Variants in WWOX observed in about 807,000 individuals in gnomAD.
WWOX encodes WW domain containing oxidoreductase.
In WWOX, 69 loss-of-function variants were observed where a neutral mutation model predicts 46.2. The observed-to-expected ratio is 1.49, with a 90% CI of 1.23 to 1.82. The LOEUF (loss-of-function observed/expected upper bound fraction) is 1.82, where lower values mean the gene tolerates loss of function less well. Among genes scored for constraint, WWOX ranks in the 40% most tolerant of loss-of-function variants. WWOX has a pLI of 0.00. For missense variants in WWOX, 919 were observed against 542.6 expected (o/e 1.69, Z -6.89); for synonymous variants, 359 against 202.6 (o/e 1.77, Z -6.56).
At chr16:78,658,819 C>T (rs545579998) in intron 8 of WWOX, among the ~76,000 whole-genome samples, 11 of 151,730 alleles carry the variant, frequency 7.2e-5, no homozygotes, top group South Asian at 2.1e-4. Context: ...GGGCTGGGCA[C>T]GGTGGCTCAT....
intron 8 of WWOX, among the ~76,000 whole-genome samples, chr16:78,459,571 T>C (rs137878103): frequency 6.6e-6 from 1 of 152,338 alleles, no homozygotes; most frequent in Non-Finnish European, 1.5e-5. Flanking sequence ...ATGGCTTAAT[T>C]GTAAGCGATC....
chr16:78,766,761 T>G (rs1178059166), intron 8 of WWOX, among the ~76,000 whole-genome samples: 2 of 152,238 alleles, frequency 1.3e-5, no homozygotes, highest in Non-Finnish European at 2.9e-5. Flanking sequence ...ATGTTCAGGT[T>G]TTGTGACCTT....
intron 8 of WWOX, among the ~76,000 whole-genome samples, chr16:78,657,831 T>C (rs2047116372): frequency 6.6e-6 from 1 of 152,182 alleles, no homozygotes; most frequent in East Asian, 1.9e-4. Context: ...GTGTGTGTGT[T>C]ATTTTGTTTT....
intron 8 of WWOX, among the ~76,000 whole-genome samples, chr16:78,841,253 C>T (rs1055671381): frequency 6.6e-6 from 1 of 152,120 alleles, no homozygotes; most frequent in Non-Finnish European, 1.5e-5. Context: ...GTCTCAATAC[C>T]ATCTTGAAAC....
intron 8 of WWOX, among the ~76,000 whole-genome samples, chr16:79,139,133 A>T (rs1341722252): frequency 1.3e-5 from 2 of 152,222 alleles, no homozygotes; most frequent in Non-Finnish European, 2.9e-5. Context: ...GGAAAGTAAT[A>T]ATAGTAACTC....
intron 5 of WWOX, among the ~76,000 whole-genome samples, chr16:78,190,659 C>T (rs1041583570): frequency 4.6e-5 from 7 of 152,264 alleles, no homozygotes; most frequent in African/African-American, 1.7e-4. Context: ...TGTAATCACA[C>T]TGGCATGGCA....
At chr16:78,105,544 C>G (rs561943651) in intron 1 of WWOX, among the ~76,000 whole-genome samples, 53 of 151,898 alleles carry the variant, frequency 3.5e-4, no homozygotes, top group African/African-American at 9.7e-4. Flanking sequence ...CTGTGAAAGT[C>G]AAGAACGTAG....
intron 8 of WWOX, among the ~76,000 whole-genome samples, chr16:78,756,715 T>TGTATTTTTCTC (rs2049657839): frequency 1.3e-5 from 2 of 152,190 alleles, no homozygotes; most frequent in Non-Finnish European, 2.9e-5. Flanking sequence ...CTACCATATC[T>TGTATTTTTCTC]AATTTTAAGG....
At chr16:79,093,961 C>T (rs1248577931) in intron 8 of WWOX, among the ~76,000 whole-genome samples, 5 of 152,114 alleles carry the variant, frequency 3.3e-5, no homozygotes, top group African/African-American at 7.2e-5. Flanking sequence ...CACTTAGTAC[C>T]GTGTCATATA....
chr16:78,481,724 A>AGTGTGTGTGTGTGTGTGTGTGT (rs67780639), intron 8 of WWOX, among the ~76,000 whole-genome samples: 25 of 137,042 alleles, frequency 1.8e-4, no homozygotes, highest in Non-Finnish European at 3.5e-4. Context: ...GGGCAAGGGA[A>AGTGTGTGTGTGTGTGTGTGTGT]GTGTGTGTGT....
intron 8 of WWOX, among the ~76,000 whole-genome samples, chr16:79,065,037 G>T (rs1467934175): frequency 2.6e-5 from 4 of 152,180 alleles, no homozygotes; most frequent in Non-Finnish European, 5.9e-5. Flanking sequence ...GTTTAGGGAA[G>T]CACTTACGTG....
At chr16:78,556,291 CAG>C (rs1383156218) in intron 8 of WWOX, among the ~76,000 whole-genome samples, 2 of 150,322 alleles carry the variant, frequency 1.3e-5, no homozygotes, top group African/African-American at 4.9e-5. Context: ...AAATCCAACA[CAG>C]AGACATGGAG....
intron 5 of WWOX, among the ~76,000 whole-genome samples, chr16:78,197,409 G>T (rs1388625148): frequency 1.3e-5 from 2 of 152,166 alleles, no homozygotes. Context: ...TGATTTTTCA[G>T]AATTCAGCTA....
chr16:78,187,103 A>G (rs947009488), intron 5 of WWOX, among the ~76,000 whole-genome samples: 1 of 152,314 alleles, frequency 6.6e-6, no homozygotes, highest in East Asian at 1.9e-4. Flanking sequence ...CTCCCCAAAG[A>G]AACACCCTTT....
chr16:79,073,402 A>G (rs879431326), intron 8 of WWOX, among the ~76,000 whole-genome samples: 2 of 151,726 alleles, frequency 1.3e-5, no homozygotes, highest in African/African-American at 4.8e-5. Flanking sequence ...CTGGTCTCAA[A>G]CTCCTGACCT....
chr16:78,860,399 C>A (rs1161384388), intron 8 of WWOX, among the ~76,000 whole-genome samples: 2 of 152,090 alleles, frequency 1.3e-5, no homozygotes, highest in African/African-American at 2.4e-5. Flanking sequence ...CTTGATGCCT[C>A]ACATAAGACC....
intron 8 of WWOX, among the ~76,000 whole-genome samples, chr16:78,734,618 C>G (rs73571673): frequency 5.9e-5 from 9 of 151,790 alleles, no homozygotes; most frequent in African/African-American, 2.2e-4. Context: ...TGATTAGGTC[C>G]CAGTCACAGG....
intron 8 of WWOX, among the ~76,000 whole-genome samples, chr16:78,912,172 G>A (rs1471753620): frequency 6.6e-6 from 1 of 151,978 alleles, no homozygotes; most frequent in African/African-American, 2.4e-5. Flanking sequence ...CTGCTTTATG[G>A]CACATAATTA....
intron 8 of WWOX, among the ~76,000 whole-genome samples, chr16:78,855,639 A>T (rs1283913197): frequency 6.6e-6 from 1 of 152,172 alleles, no homozygotes; most frequent in African/African-American, 2.4e-5. Flanking sequence ...AGGGAAGACA[A>T]CCTGTCTTCT....
Sources: allele counts gnomAD v4.1 joint callset (sites outside exome capture counted in the v4.1 genomes callset), GRCh38; gene constraint gnomAD v4.1.1; transcripts MANE v1.5; gene names NCBI Gene and HGNC (gene_info 2026-07-23, HGNC 2026-07-21).